RERE: variants seen among roughly 807,000 people sequenced by gnomAD.
RERE encodes the protein arginine-glutamic acid dipeptide repeats protein.
A neutral mutation model predicts 146.1 loss-of-function variants in RERE; 40 were observed. That is an observed-to-expected ratio of 0.27 (90% CI 0.21 to 0.36). The LOEUF is 0.36. RERE is among the 10% of genes least tolerant of loss of function. The probability of loss-of-function intolerance (pLI) is 1.00; values close to 1 mark genes in which losing one functional copy is unlikely to be tolerated. For missense variants in RERE, 1,933 were observed against 2,138.7 expected, an observed-to-expected ratio of 0.90 and a Z score of 1.90; for synonymous variants, 1,003 against 866.0, an observed-to-expected ratio of 1.16 and a Z score of -2.78.
At chr1:8,516,746 T>C (rs190935505) in intron 7 of RERE, among the ~76,000 whole-genome samples, 1 of 152,324 alleles carries the variant, frequency 6.6e-6, no homozygotes, top group Non-Finnish European at 1.5e-5. Context: ...AGAATCCATA[T>C]CCCTTTCCCT....
chr1:8,605,192 C>T (rs762468831), intron 4 of RERE, among the ~76,000 whole-genome samples: 4 of 152,116 alleles, frequency 2.6e-5, no homozygotes, highest in Non-Finnish European at 4.4e-5. Context: ...GGTTGGGGTG[C>T]GATGGCATGA....
chr1:8,484,062 C>T lies in RERE; in HGVS notation c.1104+11001G>A, dbSNP rs867113271. 3.9e-5 allele frequency among the ~76,000 whole-genome samples: 6 copies of T among 152,246 alleles called. No homozygotes were observed. In the South Asian group the frequency reaches 1.2e-3, roughly 32 times the overall value. On this transcript the variant is annotated intron_variant, in intron 10 of 22. Coordinates refer to ENST00000400908, the MANE Select transcript of RERE (RefSeq NM_001042681.2). ...ATACCTGAGCCCAAAGAAGGAAATC[C>T]AATATCAGTTTAGTAAAAATAAGTT...
At chr1:8,747,237 G>A (rs1474988974) in intron 1 of RERE, among the ~76,000 whole-genome samples, 12 of 151,994 alleles carry the variant, frequency 7.9e-5, no homozygotes, top group Admixed American at 1.3e-4. Flanking sequence ...TCCTGACCTC[G>A]TGATCTGACC....
chr1:8,784,264 C>T (rs1478377297), intron 1 of RERE, among the ~76,000 whole-genome samples: 1 of 152,218 alleles, frequency 6.6e-6, no homozygotes, highest in African/African-American at 2.4e-5. Flanking sequence ...ATCATCCTCT[C>T]CATGAGGCCT....
chr1:8,602,794 A>T (rs1178717189), intron 4 of RERE, among the ~76,000 whole-genome samples: 1 of 152,180 alleles, frequency 6.6e-6, no homozygotes, highest in African/African-American at 2.4e-5. Flanking sequence ...AGTCCCATGC[A>T]TTTAATTTAT....
intron 19 of RERE, 73 bp from the exon 20 acceptor site, chr1:8,358,989 T>C: frequency 2.0e-6 from 3 of 1,472,992 alleles, no homozygotes; most frequent in Non-Finnish European, 2.7e-6. Flanking sequence ...ACTGCGGAGG[T>C]GGGCCTGGTC....
intron 7 of RERE, among the ~76,000 whole-genome samples, chr1:8,529,006 C>T (rs943426409): frequency 3.3e-5 from 5 of 152,114 alleles, no homozygotes; most frequent in Non-Finnish European, 7.4e-5. Flanking sequence ...GATTTTGAAG[C>T]ATTTTAGATT....
In RERE at chr1:8,358,871, G is replaced by C; in HGVS notation, c.3664C>G (p.Leu1222Val). The change falls in exon 20 of 23, where the codon CTC (leucine) becomes GTC (valine). Residue 1222 changes from leucine to valine, a missense_variant. By Grantham distance (32) the Leu-to-Val change is conservative. This residue lies in a region of RERE where 1,255 missense variants were observed against 1,153.8 expected (regional missense o/e 1.09). Transcript: ENST00000400908. Reference sequence around the variant, plus strand: ...GGCCGCATGTGGCCAGGACCACTGAGCTGTGGGTCACTGAGGCGACCTTCA... The same window carrying C: ...GGCCGCATGTGGCCAGGACCACTGACCTGTGGGTCACTGAGGCGACCTTCA... ...AHEGRLSDPQ[L>V]SGPGHMRPSF... 6.3e-7 allele frequency: 1 copy of C among 1,578,048 alleles called. No homozygotes were observed. Among genetic ancestry groups the C allele is most frequent in the Non-Finnish European group, 8.6e-7 (1 of 1,160,420 alleles).
At chr1:8,743,816 C>G (rs1311734118) in intron 1 of RERE, among the ~76,000 whole-genome samples, 3 of 152,118 alleles carry the variant, frequency 2.0e-5, no homozygotes, top group African/African-American at 7.2e-5. Flanking sequence ...CACTTACTCC[C>G]TCAGCCAAAT....
chr1:8,404,409 C>G (rs1384865816), intron 12 of RERE, among the ~76,000 whole-genome samples: 4 of 151,576 alleles, frequency 2.6e-5, no homozygotes, highest in Non-Finnish European at 5.9e-5. Context: ...CATAGTGAGA[C>G]TCTGTCTCAA....
chr1:8,799,852 C>G (rs534639420), intron 1 of RERE, among the ~76,000 whole-genome samples: 1 of 151,298 alleles, frequency 6.6e-6, no homozygotes, highest in Non-Finnish European at 1.5e-5. Flanking sequence ...CGCTCTGTCA[C>G]CCAGGCTGGA....
intron 10 of RERE, among the ~76,000 whole-genome samples, chr1:8,481,755 G>A (rs879299317): frequency 6.6e-6 from 1 of 152,156 alleles, no homozygotes; most frequent in Non-Finnish European, 1.5e-5. Context: ...AGCTCAGGGT[G>A]GGAAAGAAAT....
chr1:8,711,357 G>A (rs1639665006), intron 1 of RERE, among the ~76,000 whole-genome samples: 1 of 152,122 alleles, frequency 6.6e-6, no homozygotes, highest in Non-Finnish European at 1.5e-5. Context: ...CAGGCCTGGA[G>A]GTTTTAGTTT....
At chr1:8,378,508 T>C (rs936476204) in intron 12 of RERE, among the ~76,000 whole-genome samples, 2 of 152,186 alleles carry the variant, frequency 1.3e-5, no homozygotes, top group Non-Finnish European at 2.9e-5. Context: ...TATGTTAAAA[T>C]GAGGTCAAGT....
intron 11 of RERE, chr1:8,465,360 T>TA: frequency 4.7e-6 from 1 of 211,736 alleles, no homozygotes; most frequent in Non-Finnish European, 9.8e-6. Flanking sequence ...CAATGTCCTT[T>TA]AAGGAGGTCA....
Position 8,473,969 on chromosome 1 carries a change from T to C in RERE, c.1105-7946A>G, listed in dbSNP as rs117288893. Among the ~76,000 whole-genome samples the C allele has an allele frequency of 9.1e-4, 138 of 152,308 alleles. 3 individuals carry two copies. The East Asian group carries it at 0.024, about 27-fold the overall frequency. On this transcript the variant is annotated intron_variant, in intron 10 of 22. Coordinates refer to ENST00000400908, the MANE Select transcript of RERE (RefSeq NM_001042681.2). ...AGTCACTACACATCTGCAATTGTCT[T>C]ACTACAGCCTCTGACCTCCTCCTGA...
At chr1:8,488,671 A>G (rs1644936847) in intron 10 of RERE, among the ~76,000 whole-genome samples, 1 of 152,190 alleles carries the variant, frequency 6.6e-6, no homozygotes, top group Non-Finnish European at 1.5e-5. Context: ...TGAGGTCAAG[A>G]CTTCCTATAT....
intron 11 of RERE, among the ~76,000 whole-genome samples, chr1:8,449,098 C>G (rs748426573): frequency 2.8e-4 from 43 of 152,154 alleles, no homozygotes; most frequent in Non-Finnish European, 5.6e-4. Context: ...GAATCCAGGC[C>G]GGCTGGAATT....
At chr1:8,449,918 C>G (rs1413871029) in intron 11 of RERE, among the ~76,000 whole-genome samples, 1 of 152,210 alleles carries the variant, frequency 6.6e-6, no homozygotes, top group East Asian at 1.9e-4. Context: ...TGCTTCTACC[C>G]TGAAGGAGTC....
Sources: gnomAD v4.1 joint callset for allele counts (sites outside exome capture counted in the v4.1 genomes callset) on GRCh38, gnomAD v4.1.1 for gene constraint, gnomAD v4.1.1 regional missense constraint, MANE v1.5 for transcripts, NCBI Gene and HGNC (gene_info 2026-07-23, HGNC 2026-07-21) for gene names.